The following RNF185 variants were observed in gnomAD, a reference collection of about 807,000 sequenced individuals.
RNF185 encodes E3 ubiquitin-protein ligase RNF185.
In RNF185, 13 loss-of-function variants were observed where a neutral mutation model predicts 24.9. The ratio of observed to expected loss-of-function variants is 0.52; its 90% CI spans 0.34 to 0.83. RNF185 has a LOEUF of 0.83. Among genes scored for constraint, RNF185 ranks in the 40% least tolerant of loss-of-function variants. The pLI, the probability that RNF185 is intolerant of heterozygous loss-of-function variation, is 0.01. For missense variants in RNF185, 184 were observed against 244.7 expected (o/e 0.75, Z 1.65); for synonymous variants, 79 against 90.3 (o/e 0.88, Z 0.71).
intron 1 of RNF185, 122 bp from the exon 2 acceptor site, chr22:31,186,925 G>C (rs1334497775): frequency 6.9e-6 from 5 of 720,714 alleles, no homozygotes; most frequent in Non-Finnish European, 1.1e-5. Context: ...AGCGCTTTGG[G>C]AAGTCTGCTC....
At chr22:31,183,378 AT>A (rs531672903) in intron 1 of RNF185, among the ~76,000 whole-genome samples, 10,656 of 146,088 alleles carry the variant, frequency 0.073, 445 homozygotes, top group Admixed American at 0.16. Flanking sequence ...ATAATTTTTA[AT>A]TTTTTTTTTT....
chr22:31,182,772 A>G (rs1213266664), intron 1 of RNF185, among the ~76,000 whole-genome samples: 1 of 151,898 alleles, frequency 6.6e-6, no homozygotes, highest in South Asian at 2.1e-4. Flanking sequence ...TGTCCATGCT[A>G]TTTATTTTTT....
At chr22:31,193,881 T>G (rs1257353128) in intron 3 of RNF185, among the ~76,000 whole-genome samples, 1 of 151,248 alleles carries the variant, frequency 6.6e-6, no homozygotes, top group Non-Finnish European at 1.5e-5. Context: ...TATCACTTGT[T>G]TTTTTAAGAA....
intron 1 of RNF185, among the ~76,000 whole-genome samples, chr22:31,171,156 C>CTTATTTATGTAT (rs2047925352): frequency 7.0e-6 from 1 of 143,234 alleles, no homozygotes; most frequent in South Asian, 2.2e-4. Context: ...CTCTGATTTA[C>CTTATTTATGTAT]TTATTTATTT....
At chr22:31,169,968 G>A (rs775650084) in intron 1 of RNF185, among the ~76,000 whole-genome samples, 1 of 152,158 alleles carries the variant, frequency 6.6e-6, no homozygotes, top group Non-Finnish European at 1.5e-5. Flanking sequence ...CTGGCCTAAG[G>A]ACATGCAAAG....
chr22:31,179,760 G>A (rs2048015933), intron 1 of RNF185, among the ~76,000 whole-genome samples: 1 of 152,162 alleles, frequency 6.6e-6, no homozygotes, highest in African/African-American at 2.4e-5. Flanking sequence ...CTTGATCCTG[G>A]TTGTCCCCTC....
At chr22:31,192,738 G>A (rs781579021) in intron 3 of RNF185, 36 bp downstream of exon 3, 2 of 1,606,400 alleles carry the variant, frequency 1.2e-6, no homozygotes, top group East Asian at 4.5e-5. Flanking sequence ...TCTTTCATCA[G>A]CTCTGGTTGC....
chr22:31,175,215 T>C (rs1225891995), intron 1 of RNF185, among the ~76,000 whole-genome samples: 2 of 152,028 alleles, frequency 1.3e-5, no homozygotes, highest in East Asian at 3.9e-4. Context: ...AGGCCAAGGC[T>C]GAGGCAGGTG....
intron 1 of RNF185, among the ~76,000 whole-genome samples, chr22:31,178,531 T>G (rs1242773384): frequency 6.6e-6 from 1 of 152,186 alleles, no homozygotes; most frequent in African/African-American, 2.4e-5. Context: ...ACCAGATCTT[T>G]CGTGGGGTGA....
At chr22:31,161,731 A>G (rs551890634) in intron 1 of RNF185, among the ~76,000 whole-genome samples, 1 of 152,334 alleles carries the variant, frequency 6.6e-6, no homozygotes, top group African/African-American at 2.4e-5. Flanking sequence ...CCTGGAACAT[A>G]ATCCCTGCTT....
At position 31,204,533 on chromosome 22, in the gene RNF185, C is replaced by T. The variant is rs369666351; in HGVS notation, c.526C>T (p.Arg176Cys). 215 of 1,610,352 alleles carry T rather than the reference C, an allele frequency of 1.3e-4. No homozygotes were observed. The highest frequency in any genetic ancestry group is 1.6e-4 in the Non-Finnish European group (191 of 1,176,744). The change falls in exon 7 of 7, where the codon CGC (arginine) becomes TGC (cysteine). Residue 176 changes from arginine to cysteine, a missense_variant. Physicochemically the swap from Arg to Cys is radical, Grantham distance 180 (BLOSUM62 -3). Transcript: ENST00000326132. ...PQYVDEQFLS[R>C]LFLFVALVIM... Reference sequence around the variant, plus strand: ...GTATGTGGACGAGCAGTTCCTGTCACGCCTCTTCCTATTTGTGGCCCTGGT... The same window carrying T: ...GTATGTGGACGAGCAGTTCCTGTCATGCCTCTTCCTATTTGTGGCCCTGGT...
intron 1 of RNF185, among the ~76,000 whole-genome samples, chr22:31,168,567 T>G (rs1190075338): frequency 6.6e-6 from 1 of 152,232 alleles, no homozygotes; most frequent in East Asian, 1.9e-4. Flanking sequence ...TTTCAATTAT[T>G]TGGGTACATA....
Position 31,206,933 on chromosome 22 carries a change from A to G in RNF185, c.*2347A>G, listed in dbSNP as rs1196298885. On this transcript the variant is annotated 3_prime_UTR_variant, in exon 7 of 7. Coordinates refer to ENST00000326132, the MANE Select transcript of RNF185 (RefSeq NM_152267.4). ...CCAGTCAGAAAATGATGATATGTAC[A>G]GTGGCACACCTTAACCAGTCACTAA... 6.6e-6 allele frequency: 1 copy of G among 152,282 alleles called. No individual in the cohort carries two copies. The highest frequency in any genetic ancestry group is 1.5e-5 in the Non-Finnish European group (1 of 68,056). 9.4% of individuals were successfully genotyped at this position (152,282 alleles called of 1,614,324 possible). A position where few individuals can be genotyped will look rare whatever the true frequency, so the allele number is the denominator to read the frequency against.
At position 31,168,281 on chromosome 22, in the gene RNF185, A is replaced by T. The variant is rs549480552; in HGVS notation, c.-49+7978A>T. On this transcript the variant is annotated intron_variant, in intron 1 of 6. Transcript: ENST00000326132. ...GTGAACTTTCTGCCTCAGCCTCCCA[A>T]GTAGCTGGGGTTATGTGTGGGCACC... Among the ~76,000 whole-genome samples, 10 of 152,302 alleles carry T rather than the reference A, an allele frequency of 6.6e-5. No homozygotes were observed. In the South Asian group the frequency reaches 2.1e-3, roughly 32 times the overall value.
chr22:31,167,790 T>G (rs897853233), intron 1 of RNF185, among the ~76,000 whole-genome samples: 1 of 151,928 alleles, frequency 6.6e-6, no homozygotes, highest in Non-Finnish European at 1.5e-5. Context: ...ATTTTTGTAT[T>G]TTTAGTAGAG....
chr22:31,189,596 C>A (rs1568969164), intron 2 of RNF185, among the ~76,000 whole-genome samples: 1 of 149,674 alleles, frequency 6.7e-6, no homozygotes. Context: ...CATGCCTGGC[C>A]CTGTGTCAAA....
chr22:31,195,445 T>C (rs1376771599), intron 3 of RNF185, 24 bp from the exon 4 acceptor site: 1 of 1,538,418 alleles, frequency 6.5e-7, no homozygotes, highest in Non-Finnish European at 8.9e-7. Flanking sequence ...GCCATCCACA[T>C]GCATTTTTCT....
chr22:31,167,673 G>T lies in RNF185; in HGVS notation c.-49+7370G>T, dbSNP rs552075509. Among the ~76,000 whole-genome samples, 4 of 144,438 alleles carry T rather than the reference G, an allele frequency of 2.8e-5. 1 individual carries two copies. In the South Asian group the frequency reaches 8.7e-4, roughly 31 times the overall value. The allele number at this position is 144,438 out of a possible 152,430, so 94.8% of individuals were successfully genotyped here. ...GTTGTCACCCAGGCTGAGTGCAGTGGTGTCATCTCAGCTCACTTCAACCTC... is the reference window on the plus strand; with the variant it reads ...GTTGTCACCCAGGCTGAGTGCAGTGTTGTCATCTCAGCTCACTTCAACCTC... On this transcript the variant is annotated intron_variant, in intron 1 of 6. Transcript: ENST00000326132.
chr22:31,162,238 A>G (rs759439533), intron 1 of RNF185, among the ~76,000 whole-genome samples: 9 of 152,216 alleles, frequency 5.9e-5, no homozygotes, highest in Non-Finnish European at 1.2e-4. Context: ...CCTGCCAGTT[A>G]TCGACTTGTG....
Sources: gnomAD v4.1 joint callset for allele counts (sites outside exome capture counted in the v4.1 genomes callset) on GRCh38, gnomAD v4.1.1 for gene constraint, MANE v1.5 for transcripts, NCBI Gene and HGNC (gene_info 2026-07-23, HGNC 2026-07-21) for gene names.